CADPS2: variants seen among roughly 807,000 people sequenced by gnomAD.
CADPS2 encodes the protein calcium-dependent secretion activator 2.
In CADPS2, 93 loss-of-function variants were observed where a neutral mutation model predicts 172.5. The ratio of observed to expected loss-of-function variants is 0.54; its 90% CI spans 0.46 to 0.64. The LOEUF is 0.64. Ranked by LOEUF, CADPS2 falls within the 30% of genes least tolerant of loss-of-function variation. The probability of loss-of-function intolerance (pLI) is 0.00; values close to 1 mark genes in which losing one functional copy is unlikely to be tolerated. For synonymous variants in CADPS2, 546 were observed against 555.2 expected, an observed-to-expected ratio of 0.98 and a Z score of 0.23; for missense variants, 1,420 against 1,565.9, an observed-to-expected ratio of 0.91 and a Z score of 1.57.
intron 17 of CADPS2, among the ~76,000 whole-genome samples, chr7:122,436,692 G>C (rs1448388567): frequency 6.6e-6 from 1 of 151,952 alleles, no homozygotes; most frequent in African/African-American, 2.4e-5. Context: ...CATTAGACCA[G>C]AGATAAGAGA....
In CADPS2 at chr7:122,451,475, C is replaced by A; in HGVS notation, c.2187G>T (p.Arg729Ser). ...CTGAAACAGTCCCAATTCCATCAGG[C>A]CTGAAAAAAAAATCAGAATCAATAA... ...AFCASHVHGNRPDGIGTVSVE... is the reference protein window; with the variant it reads ...AFCASHVHGNSPDGIGTVSVE... Residue 729 changes from arginine (R) to serine (S), a missense_variant and splice_region_variant, in exon 15 of 30, where the codon AGG (arginine) becomes AGT (serine). Transcript: ENST00000449022. 2 of 1,539,054 alleles carry A rather than the reference C, an allele frequency of 1.3e-6. No homozygotes were observed. The highest frequency in any genetic ancestry group is 2.0e-5 in the Admixed American group (1 of 51,190).
At chr7:122,455,630 T>C (rs1414523120) in intron 14 of CADPS2, among the ~76,000 whole-genome samples, 1 of 152,132 alleles carries the variant, frequency 6.6e-6, no homozygotes, top group East Asian at 1.9e-4. Context: ...ATGATAAGAA[T>C]TCATGAATTA....
chr7:122,351,372 C>CACAAAAAAAAAA (rs2038583315), intron 27 of CADPS2, among the ~76,000 whole-genome samples: 1 of 28,918 alleles, frequency 3.5e-5, no homozygotes, highest in Admixed American at 6.8e-4. Context: ...GACTCCGTCT[C>CACAAAAAAAAAA]AAAAAAAAAA....
intron 1 of CADPS2, among the ~76,000 whole-genome samples, chr7:122,825,093 C>T (rs1028044023): frequency 6.6e-6 from 1 of 152,026 alleles, no homozygotes; most frequent in African/African-American, 2.4e-5. Flanking sequence ...AAATAAATAG[C>T]AAAAATAGCT....
At chr7:122,856,438 C>A (rs1365191051) in intron 1 of CADPS2, among the ~76,000 whole-genome samples, 1 of 152,030 alleles carries the variant, frequency 6.6e-6, no homozygotes, top group African/African-American at 2.4e-5. Context: ...TTCTTCTCTT[C>A]TTGTTCATCT....
At chr7:122,731,271 T>A (rs1317864466) in intron 2 of CADPS2, among the ~76,000 whole-genome samples, 1 of 151,460 alleles carries the variant, frequency 6.6e-6, no homozygotes, top group Non-Finnish European at 1.5e-5. Flanking sequence ...AGCTCTAGCA[T>A]CCATATTTTG....
chr7:122,837,105 G>C (rs1216929819), intron 1 of CADPS2, among the ~76,000 whole-genome samples: 26 of 152,162 alleles, frequency 1.7e-4, no homozygotes, highest in Non-Finnish European at 5.9e-5. Flanking sequence ...AATCAAACTA[G>C]AACTCAGGAT....
At chr7:122,451,260 G>T in intron 15 of CADPS2, 114 bp downstream of exon 15, 1 of 461,104 alleles carries the variant, frequency 2.2e-6, no homozygotes, top group Non-Finnish European at 3.8e-6. Flanking sequence ...AGGCAAGGGA[G>T]GGCTACTGAT....
chr7:122,817,952 G>A (rs377367998), intron 1 of CADPS2, among the ~76,000 whole-genome samples: 53 of 114,174 alleles, frequency 4.6e-4, no homozygotes, highest in African/African-American at 1.5e-3. Context: ...TCTGTGCCCC[G>A]ACCCTTTATT....
At chr7:122,487,742 AT>A (rs769749843) in intron 11 of CADPS2, among the ~76,000 whole-genome samples, 2 of 152,216 alleles carry the variant, frequency 1.3e-5, no homozygotes, top group Non-Finnish European at 2.9e-5. Flanking sequence ...ACAACTGAAC[AT>A]TACACAGGTA....
chr7:122,604,280 T>C (rs527433031), intron 6 of CADPS2, among the ~76,000 whole-genome samples: 38 of 152,258 alleles, frequency 2.5e-4, no homozygotes, highest in African/African-American at 8.2e-4. Flanking sequence ...TCACAGATTG[T>C]TGAAGATCTT....
chr7:122,489,838 T>C (rs909741814), intron 11 of CADPS2, among the ~76,000 whole-genome samples: 1 of 152,172 alleles, frequency 6.6e-6, no homozygotes, highest in African/African-American at 2.4e-5. Context: ...TCTTATGTGC[T>C]CTTGAGATTT....
intron 1 of CADPS2, among the ~76,000 whole-genome samples, chr7:122,738,196 G>A (rs2092283250): frequency 6.6e-6 from 1 of 151,938 alleles, no homozygotes; most frequent in Admixed American, 6.6e-5. Flanking sequence ...CTACAAGCAG[G>A]GTGAGCTACT....
chr7:122,581,418 T>C, intron 6 of CADPS2, 128 bp from the exon 7 acceptor site: 1 of 670,572 alleles, frequency 1.5e-6, no homozygotes, highest in South Asian at 1.9e-5. Context: ...ATCTTTGCTT[T>C]TGTTTCTAGC....
intron 3 of CADPS2, among the ~76,000 whole-genome samples, chr7:122,638,050 T>C (rs1344821244): frequency 1.3e-5 from 2 of 152,174 alleles, no homozygotes; most frequent in African/African-American, 4.8e-5. Flanking sequence ...ATACGCACAG[T>C]AGTACTCTGT....
chr7:122,476,704 TTTTA>T lies in CADPS2; in HGVS notation c.1862-2191_1862-2188del, dbSNP rs145633213. 3.9e-3 allele frequency among the ~76,000 whole-genome samples: 597 copies of T among 152,218 alleles called. 5 individuals carry two copies. The highest frequency in any genetic ancestry group is 0.014 in the African/African-American group (567 of 41,538). On this transcript the variant is annotated intron_variant, in intron 12 of 29. Transcript: ENST00000449022. ...GACAGGCAAACAAACCCATTAAAAT[TTTTA>T]TTTAAGAAAATCAACAACCTTCAAT...
chr7:122,708,520 G>GATATAT (rs57522086), intron 2 of CADPS2, among the ~76,000 whole-genome samples: 25 of 116,442 alleles, frequency 2.1e-4, no homozygotes, highest in African/African-American at 3.7e-4. Context: ...TTGTATTCGA[G>GATATAT]ATATATATAT....
At chr7:122,842,712 A>G (rs1810900694) in intron 1 of CADPS2, among the ~76,000 whole-genome samples, 1 of 152,192 alleles carries the variant, frequency 6.6e-6, no homozygotes, top group African/African-American at 2.4e-5. Context: ...TAGAAAGTTG[A>G]TAGTAAAAAT....
In CADPS2 at chr7:122,774,263, TAG is replaced by T. The variant is rs1272961225; in HGVS notation, c.340-37197_340-37196del. Among the ~76,000 whole-genome samples the T allele has an allele frequency of 3.2e-3, 410 of 127,324 alleles. 8 individuals are homozygous for T. The highest frequency in any genetic ancestry group is 0.026 in the East Asian group (121 of 4,596). 83.5% of individuals were successfully genotyped at this position (127,324 alleles called of 152,430 possible). A position where few individuals can be genotyped will look rare whatever the true frequency, so the allele number is the denominator to read the frequency against. ...ACAAATATATATATATAGACATAGATAGATATACACACACACACACACACACA... is the reference window on the plus strand; with the variant it reads ...ACAAATATATATATATAGACATAGATATATACACACACACACACACACACA... On this transcript the variant is annotated intron_variant, in intron 1 of 29. Transcript: ENST00000449022.
Sources: gnomAD v4.1 joint callset for allele counts (sites outside exome capture counted in the v4.1 genomes callset) on GRCh38, gnomAD v4.1.1 for gene constraint, MANE v1.5 for transcripts, NCBI Gene and HGNC (gene_info 2026-07-23, HGNC 2026-07-21) for gene names.